WDR82: variants seen among roughly 807,000 people sequenced by gnomAD.
The protein encoded by WDR82 is WD repeat-containing protein 82.
Under a neutral mutation model 36.1 loss-of-function variants are expected in WDR82, and 8 were observed. The ratio of observed to expected loss-of-function variants is 0.22; its 90% CI spans 0.13 to 0.40. The LOEUF is 0.40. Ranked by LOEUF, WDR82 falls within the 10% of genes least tolerant of loss-of-function variation. The pLI is 1.00. For missense variants in WDR82, 185 were observed against 400.5 expected, an observed-to-expected ratio of 0.46 and a Z score of 4.59; for synonymous variants, 129 against 137.8, an observed-to-expected ratio of 0.94 and a Z score of 0.45.
chr3:52,271,744 A>C (rs1700156358), intron 1 of WDR82, among the ~76,000 whole-genome samples: 1 of 152,210 alleles, frequency 6.6e-6, no homozygotes, highest in Admixed American at 6.5e-5. Flanking sequence ...GGCAAGCCTA[A>C]CTTTCTCTAG....
intron 3 of WDR82, among the ~76,000 whole-genome samples, chr3:52,265,253 T>C (rs542070539): frequency 5.6e-5 from 7 of 124,994 alleles, no homozygotes; most frequent in African/African-American, 9.4e-5. Context: ...TGAGCCAACA[T>C]TGCACCACTG....
intron 7 of WDR82, among the ~76,000 whole-genome samples, chr3:52,258,940 A>G (rs566098743): frequency 1.3e-5 from 2 of 152,312 alleles, no homozygotes; most frequent in Admixed American, 6.5e-5. Flanking sequence ...TACCCTACCA[A>G]CAGGCAGCCA....
rs199822245 is a variant in WDR82, at chr3:52,259,884, A to G, written c.544-12T>C. ...GTAGCAAATGGCCCCTGCAAAAGAT[A>G]AAAAACAGTAGCCCCAGGCATATTA... On this transcript the variant is annotated splice_polypyrimidine_tract_variant and intron_variant, in intron 5 of 8. Coordinates refer to ENST00000296490, the MANE Select transcript of WDR82 (RefSeq NM_025222.4). 96 of 1,609,064 alleles carry G rather than the reference A, an allele frequency of 6.0e-5. No homozygotes were observed. In the East Asian group the frequency reaches 2.0e-3, roughly 34 times the overall value.
intron 3 of WDR82, among the ~76,000 whole-genome samples, chr3:52,265,868 C>G (rs1000564446): frequency 2.0e-5 from 3 of 152,144 alleles, no homozygotes; most frequent in African/African-American, 7.2e-5. Context: ...TAAGCCACCA[C>G]GCCTGGCCTG....
chr3:52,268,225 G>A, intron 2 of WDR82: 1 of 439,654 alleles, frequency 2.3e-6, no homozygotes, highest in African/African-American at 2.0e-5. Flanking sequence ...TCCCAGAGAT[G>A]AGCAGGGTGA....
chr3:52,262,827 GT>G (rs1283140749), intron 3 of WDR82, among the ~76,000 whole-genome samples: 1 of 152,144 alleles, frequency 6.6e-6, no homozygotes, highest in Non-Finnish European at 1.5e-5. Flanking sequence ...TGCTGAGGAG[GT>G]AATAAAACAC....
rs1700010237 is a variant in WDR82 at position 52,256,457 on chromosome 3, A to C, written c.*1033T>G. 6.5e-6 allele frequency: 1 copy of C among 153,774 alleles called. No homozygotes were observed. Among genetic ancestry groups the C allele is most frequent in the African/African-American group, 2.4e-5 (1 of 41,450 alleles). The allele number at this position is 153,774 out of a possible 1,614,324, so 9.5% of individuals were successfully genotyped here. The stretch of plus-strand genomic sequence containing the variant: ...CAGAAATCAAAGGTCATATATAAAA[A>C]CGCTAAATATGACATATAACACAGG... On this transcript the variant is annotated 3_prime_UTR_variant, in exon 9 of 9. Coordinates refer to ENST00000296490, the MANE Select transcript of WDR82 (RefSeq NM_025222.4).
intron 3 of WDR82, among the ~76,000 whole-genome samples, chr3:52,263,309 G>A (rs189528485): frequency 5.9e-5 from 9 of 152,310 alleles, no homozygotes; most frequent in African/African-American, 2.2e-4. Context: ...GAGGACCAGA[G>A]AAGGCTTCTG....
rs1444570946 is a variant in WDR82 at position 52,257,500 on chromosome 3, A to G, written c.932T>C (p.Ile311Thr). Residue 311 changes from isoleucine (I) to threonine (T), a missense_variant, in exon 9 of 9, where the codon ATT becomes ACT. Physicochemically the swap from Ile to Thr is moderately conservative, Grantham distance 89 (BLOSUM62 -1). Around this residue, in one of 3 missense-constraint regions of WDR82, gnomAD observed 110 missense variants for 212.6 expected, o/e 0.52. Coordinates refer to ENST00000296490, the MANE Select transcript of WDR82 (RefSeq NM_025222.4). Reference sequence around the variant, plus strand: ...CAAGCAGCAACAGGGTCAGTCATCAATGGTGGGCAACCAAAAGGCCTAGAA... The same window carrying G: ...CAAGCAGCAACAGGGTCAGTCATCAGTGGTGGGCAACCAAAAGGCCTAGAA... ...CSNMAFWLPT[I>T]DD 1.2e-6 allele frequency: 2 copies of G among 1,614,080 alleles called. No individual in the cohort carries two copies. The highest frequency in any genetic ancestry group is 1.3e-5 in the African/African-American group (1 of 74,994).
intron 1 of WDR82, among the ~76,000 whole-genome samples, chr3:52,271,510 A>C (rs989106098): frequency 1.3e-5 from 2 of 152,176 alleles, no homozygotes; most frequent in Admixed American, 1.3e-4. Context: ...AACTTACAAC[A>C]AAGAGGGATA....
chr3:52,273,304 A>G (rs1700170541), intron 1 of WDR82, among the ~76,000 whole-genome samples: 2 of 148,596 alleles, frequency 1.3e-5, no homozygotes, highest in African/African-American at 4.9e-5. Flanking sequence ...GGTGGTGGGC[A>G]CCTGTAATCC....
In WDR82 at chr3:52,258,522, T is replaced by TA. The variant is rs1318103545; in HGVS notation, c.912+13dup. 1.2e-6 allele frequency: 2 copies of TA among 1,613,016 alleles called. No individual in the cohort carries two copies. Among genetic ancestry groups the TA allele is most frequent in the East Asian group, 4.5e-5 (2 of 44,880 alleles). ...GGGTCCCTGAGTAGCAGATACCTCTTACTGTTCACATACCATGTTGGAACA... is the reference window on the plus strand; with the variant it reads ...GGGTCCCTGAGTAGCAGATACCTCTTAACTGTTCACATACCATGTTGGAACA... On this transcript the variant is annotated intron_variant, in intron 8 of 8. Transcript: ENST00000296490.
At chr3:52,270,881 G>T in intron 1 of WDR82, 72 bp from the exon 2 acceptor site, 1 of 1,150,160 alleles carries the variant, frequency 8.7e-7, no homozygotes, top group Non-Finnish European at 1.3e-6. Flanking sequence ...CACATAAAGA[G>T]AAGCACTTGA....
intron 5 of WDR82, 80 bp downstream of exon 5, chr3:52,260,305 G>C: frequency 9.5e-7 from 1 of 1,052,960 alleles, no homozygotes; most frequent in Non-Finnish European, 1.3e-6. Context: ...CTCCAGCCTG[G>C]GCAATAAGAG....
Position 52,265,720 on chromosome 3 carries a change from C to T in WDR82, c.326+1232G>A, listed in dbSNP as rs111908555. On this transcript the variant is annotated intron_variant, in intron 3 of 8. Coordinates refer to ENST00000296490, the MANE Select transcript of WDR82 (RefSeq NM_025222.4). ...CCTCCGAAGTAGTAGGAATTACAGGCGCACACCACCACTCCTGGCTAATTT... is the reference window on the plus strand; with the variant it reads ...CCTCCGAAGTAGTAGGAATTACAGGTGCACACCACCACTCCTGGCTAATTT... Among the ~76,000 whole-genome samples the T allele has an allele frequency of 6.2e-3, 942 of 152,140 alleles. 8 individuals are homozygous for T. Among genetic ancestry groups the T allele is most frequent in the South Asian group, 0.023 (113 of 4,810 alleles).
chr3:52,257,653 C>T (rs1265815151), intron 8 of WDR82, 134 bp from the exon 9 acceptor site: 3 of 887,910 alleles, frequency 3.4e-6, no homozygotes, highest in South Asian at 2.9e-5. Context: ...AACCAACCAA[C>T]CCCGATGCTC....
intron 1 of WDR82, among the ~76,000 whole-genome samples, chr3:52,271,704 G>A (rs887094129): frequency 2.6e-5 from 4 of 151,970 alleles, no homozygotes; most frequent in Admixed American, 6.6e-5. Flanking sequence ...CTATCCTACA[G>A]GTCAAAAGCG....
chr3:52,254,670 A>C lies in WDR82; in HGVS notation c.*2820T>G, dbSNP rs1489817444. ...AGCAGTAATTATAATTACAACGGGA[A>C]ATAATTTCTTTAAGTACCCAGTGCA... On this transcript the variant is annotated 3_prime_UTR_variant, in exon 9 of 9. Transcript: ENST00000296490. 6.6e-6 allele frequency: 1 copy of C among 152,568 alleles called. No homozygotes were observed. The highest frequency in any genetic ancestry group is 6.5e-5 in the Admixed American group (1 of 15,276). The allele number at this position is 152,568 out of a possible 1,614,324, so 9.5% of individuals were successfully genotyped here. A position where few individuals can be genotyped will look rare whatever the true frequency, so the allele number is the denominator to read the frequency against.
chr3:52,272,489 A>T (rs533570659), intron 1 of WDR82, among the ~76,000 whole-genome samples: 1 of 149,604 alleles, frequency 6.7e-6, no homozygotes, highest in Non-Finnish European at 1.5e-5. Context: ...GATTGTAGTG[A>T]GCTGAGATCG....
Sources: allele counts gnomAD v4.1 joint callset (sites outside exome capture counted in the v4.1 genomes callset), GRCh38; gene constraint gnomAD v4.1.1; regional missense constraint gnomAD v4.1.1; transcripts MANE v1.5; gene names NCBI Gene and HGNC (gene_info 2026-07-23, HGNC 2026-07-21).